Variants in VWA8 observed in about 807,000 individuals in gnomAD.
VWA8 encodes the protein von Willebrand factor A domain-containing protein 8.
VWA8 carries 221 observed loss-of-function variants against 241.5 expected under a neutral mutation model. The observed-to-expected ratio is 0.91, with a 90% CI of 0.82 to 1.02. The LOEUF (loss-of-function observed/expected upper bound fraction) is 1.02, where lower values mean the gene tolerates loss of function less well. Ranked by LOEUF, VWA8 falls within the 50% of genes least tolerant of loss-of-function variation. The pLI is 0.00. For missense variants in VWA8, 2,322 were observed against 2,328.7 expected (o/e 1.00, Z 0.06); for synonymous variants, 852 against 827.1 (o/e 1.03, Z -0.52).
chr13:41,726,589 G>A (rs577456767), intron 24 of VWA8, among the ~76,000 whole-genome samples: 1 of 152,188 alleles, frequency 6.6e-6, no homozygotes, highest in African/African-American at 2.4e-5. Flanking sequence ...ATTCCAAGAG[G>A]TCCTAAACAA....
At chr13:41,847,187 C>T (rs554201392) in intron 12 of VWA8, among the ~76,000 whole-genome samples, 2 of 152,060 alleles carry the variant, frequency 1.3e-5, no homozygotes, top group Admixed American at 1.3e-4. Flanking sequence ...ATGGATCTTA[C>T]ACTCCAGTGG....
At chr13:41,772,407 C>A (rs2045830917) in intron 20 of VWA8, among the ~76,000 whole-genome samples, 1 of 151,962 alleles carries the variant, frequency 6.6e-6, no homozygotes, top group African/African-American at 2.4e-5. Context: ...ATAGCCATCT[C>A]TCTTTTTGTT....
At chr13:41,577,903 A>G (rs866164769) in intron 42 of VWA8, among the ~76,000 whole-genome samples, 2 of 152,228 alleles carry the variant, frequency 1.3e-5, no homozygotes, top group Non-Finnish European at 2.9e-5. Flanking sequence ...CACAGGGTCA[A>G]TGTAACTGGT....
chr13:41,720,328 G>A (rs1025404748), intron 25 of VWA8, among the ~76,000 whole-genome samples: 1 of 152,058 alleles, frequency 6.6e-6, no homozygotes, highest in South Asian at 2.1e-4. Flanking sequence ...TAGGTGATGG[G>A]TTCTGAGCTG....
intron 12 of VWA8, among the ~76,000 whole-genome samples, chr13:41,841,354 C>G (rs1262422216): frequency 6.6e-6 from 1 of 152,032 alleles, no homozygotes; most frequent in Non-Finnish European, 1.5e-5. Context: ...CCAAACAGAC[C>G]CCAAATACAG....
intron 37 of VWA8, among the ~76,000 whole-genome samples, chr13:41,645,491 G>A (rs917618365): frequency 1.3e-5 from 2 of 152,154 alleles, no homozygotes; most frequent in Admixed American, 1.3e-4. Flanking sequence ...ATACCAAACT[G>A]ATGTTTCCTA....
chr13:41,850,914 G>A (rs1326435974), intron 12 of VWA8, among the ~76,000 whole-genome samples: 1 of 152,176 alleles, frequency 6.6e-6, no homozygotes, highest in Non-Finnish European at 1.5e-5. Flanking sequence ...TAAAGGAACA[G>A]TGAGCTAAAG....
Position 41,719,553 on chromosome 13 carries a change from A to G in VWA8, c.3116+38T>C, listed in dbSNP as rs1299074617. The G allele has an allele frequency of 3.7e-6, 6 of 1,608,604 alleles. No individual in the cohort carries two copies. The African/African-American group carries it at 8.0e-5, about 22-fold the overall frequency. On this transcript the variant is annotated intron_variant, in intron 26 of 44. Transcript: ENST00000379310. ...ATGGAATGATAAATCAAGAACTATC[A>G]GCATTTAAGAATCAGAAGAGTACTG...
intron 37 of VWA8, among the ~76,000 whole-genome samples, chr13:41,626,744 C>A (rs1256804600): frequency 6.6e-6 from 1 of 152,126 alleles, no homozygotes; most frequent in African/African-American, 2.4e-5. Flanking sequence ...GGATCCCTAC[C>A]TTTCACCACA....
At chr13:41,875,940 C>G (rs1271603571) in intron 9 of VWA8, among the ~76,000 whole-genome samples, 2 of 151,942 alleles carry the variant, frequency 1.3e-5, no homozygotes, top group Non-Finnish European at 2.9e-5. Flanking sequence ...TCTGATATTC[C>G]CTCCACCTCC....
intron 18 of VWA8, among the ~76,000 whole-genome samples, chr13:41,784,594 T>C (rs1869050904): frequency 6.7e-6 from 1 of 148,880 alleles, no homozygotes; most frequent in Admixed American, 6.7e-5. Flanking sequence ...AGCCTGGAGG[T>C]TGAGGCTACA....
Position 41,690,105 on chromosome 13 carries a change from A to T in VWA8, c.3976+61T>A, listed in dbSNP as rs2045165459. On this transcript the variant is annotated intron_variant, in intron 33 of 44. Coordinates refer to ENST00000379310, the MANE Select transcript of VWA8 (RefSeq NM_015058.2). ...TGTTTTGTTCTTAAATGATTCTAGA[A>T]GACAGTATATGTACAAGCATGCACT... 5 of 1,415,044 alleles carry T rather than the reference A, an allele frequency of 3.5e-6. No individual in the cohort carries two copies. In the South Asian group the frequency reaches 5.5e-5, roughly 16 times the overall value. The allele number at this position is 1,415,044 out of a possible 1,614,324, so 87.7% of individuals were successfully genotyped here.
intron 2 of VWA8, chr13:41,926,720 C>G: frequency 1.9e-6 from 1 of 537,098 alleles, no homozygotes; most frequent in Admixed American, 1.9e-5. Context: ...CCCATAGGGC[C>G]AGGCCTATGA....
At chr13:41,806,708 A>AAAG (rs1163473870) in intron 17 of VWA8, among the ~76,000 whole-genome samples, 6 of 151,990 alleles carry the variant, frequency 3.9e-5, no homozygotes, top group African/African-American at 1.4e-4. Flanking sequence ...GTCTCAAAAA[A>AAAG]AAGAAAAAAA....
chr13:41,949,563 G>A (rs972691448), intron 2 of VWA8, among the ~76,000 whole-genome samples: 6 of 151,918 alleles, frequency 3.9e-5, no homozygotes, highest in Admixed American at 1.3e-4. Flanking sequence ...ACCATGGCAC[G>A]TGTATACCTA....
At chr13:41,784,489 C>T (rs895479836) in intron 18 of VWA8, among the ~76,000 whole-genome samples, 3 of 151,454 alleles carry the variant, frequency 2.0e-5, no homozygotes, top group Non-Finnish European at 4.4e-5. Flanking sequence ...ACAGAGAGAC[C>T]CTGTCTCTAC....
At chr13:41,737,410 A>G (rs2045534231) in intron 21 of VWA8, among the ~76,000 whole-genome samples, 1 of 152,232 alleles carries the variant, frequency 6.6e-6, no homozygotes, top group Non-Finnish European at 1.5e-5. Context: ...GAATCACTTG[A>G]TGTTTACAGT....
chr13:41,640,272 A>C (rs554413261), intron 37 of VWA8, among the ~76,000 whole-genome samples: 1 of 152,186 alleles, frequency 6.6e-6, no homozygotes, highest in Non-Finnish European at 1.5e-5. Context: ...ACAGGAGCCA[A>C]CTTCTGCTCT....
chr13:41,903,462 T>C (rs182265451), intron 4 of VWA8, among the ~76,000 whole-genome samples: 1 of 152,006 alleles, frequency 6.6e-6, no homozygotes, highest in East Asian at 1.9e-4. Context: ...GTTCAGAGAG[T>C]GCTAAGTGCT....
Sources: gnomAD v4.1 joint callset for allele counts (sites outside exome capture counted in the v4.1 genomes callset) on GRCh38, gnomAD v4.1.1 for gene constraint, MANE v1.5 for transcripts, NCBI Gene and HGNC (gene_info 2026-07-23, HGNC 2026-07-21) for gene names.